KIF17: variants seen among roughly 807,000 people sequenced by gnomAD.
KIF17 encodes kinesin-like protein KIF17.
In KIF17, 80 loss-of-function variants were observed where a neutral mutation model predicts 96.8. The ratio of observed to expected loss-of-function variants is 0.83; its 90% CI spans 0.69 to 1.00. KIF17 has a LOEUF of 1.00. Ranked by LOEUF, KIF17 falls within the 50% of genes least tolerant of loss-of-function variation. The probability of loss-of-function intolerance (pLI) is 0.00; values close to 1 mark genes in which losing one functional copy is unlikely to be tolerated. For synonymous variants in KIF17, 567 were observed against 587.5 expected (o/e 0.97, Z 0.51); for missense variants, 1,280 against 1,372.9 (o/e 0.93, Z 1.07).
At chr1:20,678,483 TC>T (rs1557586209) in intron 11 of KIF17, among the ~76,000 whole-genome samples, 4 of 151,960 alleles carry the variant, frequency 2.6e-5, no homozygotes, top group African/African-American at 4.8e-5. Context: ...TAAGCCTGAA[TC>T]TCTCCAACAA....
At chr1:20,684,369 T>A (rs1328442093) in intron 10 of KIF17, among the ~76,000 whole-genome samples, 1 of 152,134 alleles carries the variant, frequency 6.6e-6, no homozygotes, top group Non-Finnish European at 1.5e-5. Flanking sequence ...TTAACGGAAG[T>A]GAGAACCGAG....
intron 4 of KIF17, among the ~76,000 whole-genome samples, chr1:20,706,841 ATCATGCCACCGCAT>A (rs2054350891): frequency 6.6e-6 from 1 of 151,890 alleles, no homozygotes; most frequent in African/African-American, 2.4e-5. Context: ...GTGAGCTGTG[ATCATGCCACCGCAT>A]TCTAGCCTGG....
chr1:20,704,047 G>A lies in KIF17; in HGVS notation c.1123+400C>T, dbSNP rs751461059. Among the ~76,000 whole-genome samples, 13 of 152,274 alleles carry A rather than the reference G, an allele frequency of 8.5e-5. No individual in the cohort carries two copies. The highest frequency in any genetic ancestry group is 1.3e-4 in the Non-Finnish European group (9 of 68,016). On this transcript the variant is annotated intron_variant, in intron 5 of 14. Coordinates refer to ENST00000400463, the MANE Select transcript of KIF17 (RefSeq NM_001122819.3). This position sits in a 1 kb window ranked among gnomAD's most constrained non-coding sequence, Gnocchi z 6.8. ...AGGGCGCAAAAGCTGCAGTAACAAG[G>A]TGCCTGCGAGGAGCAGGTGTGGCCG...
rs767726397 is a variant in KIF17, at chr1:20,666,179, T to C, written c.2908+35A>G. On this transcript the variant is annotated intron_variant, in intron 14 of 14. Transcript: ENST00000400463. ...ATCCCCTTCACGCCTCTCCCAGTTG[T>C]GTGGAGAGGGTGGGGACAGGGGAGG... The C allele has an allele frequency of 2.5e-5, 36 of 1,436,426 alleles. No individual in the cohort carries two copies. In the South Asian group the frequency reaches 4.0e-4, roughly 16 times the overall value. 89.0% of individuals were successfully genotyped at this position (1,436,426 alleles called of 1,614,324 possible). A position where few individuals can be genotyped will look rare whatever the true frequency, so the allele number is the denominator to read the frequency against.
At chr1:20,715,764 G>C in intron 1 of KIF17, 125 bp from the exon 2 acceptor site, 1 of 1,144,756 alleles carries the variant, frequency 8.7e-7, no homozygotes, top group South Asian at 1.3e-5. Context: ...GCACTGGACT[G>C]TGGAGATAAA....
chr1:20,708,442 T>C (rs574718863), intron 4 of KIF17, among the ~76,000 whole-genome samples: 2 of 152,276 alleles, frequency 1.3e-5, no homozygotes, highest in African/African-American at 4.8e-5. Context: ...TACAGGCATG[T>C]ACCATCACAC....
chr1:20,714,796 C>CAAAAAAA lies in KIF17; in HGVS notation c.378+690_378+696dup, dbSNP rs34182653. Among the ~76,000 whole-genome samples the CAAAAAAA allele has an allele frequency of 2.8e-3, 296 of 107,618 alleles. 5 individuals are homozygous for CAAAAAAA. Among genetic ancestry groups the CAAAAAAA allele is most frequent in the African/African-American group, 0.011 (281 of 26,086 alleles). The allele number at this position is 107,618 out of a possible 152,430, so 70.6% of individuals were successfully genotyped here. A position where few individuals can be genotyped will look rare whatever the true frequency, so the allele number is the denominator to read the frequency against. On this transcript the variant is annotated intron_variant, in intron 2 of 14. Transcript: ENST00000400463. ...TGGGTGACAGAGCAAGACTCCGTCT[C>CAAAAAAA]AAAAAAAAAAAAAAAAAAACACCTG...
chr1:20,677,442 G>A (rs2053757294), intron 11 of KIF17, among the ~76,000 whole-genome samples: 1 of 152,152 alleles, frequency 6.6e-6, no homozygotes, highest in Non-Finnish European at 1.5e-5. Flanking sequence ...TGCACAGGCT[G>A]TTTACTACAG....
intron 4 of KIF17, among the ~76,000 whole-genome samples, chr1:20,705,155 G>C (rs1466758775): frequency 2.0e-5 from 3 of 152,232 alleles, no homozygotes; most frequent in African/African-American, 7.2e-5. Flanking sequence ...AGGGCAGGCT[G>C]TCTCCAGGAG....
intron 10 of KIF17, 97 bp downstream of exon 10, chr1:20,684,712 G>A: frequency 1.6e-6 from 2 of 1,241,892 alleles, no homozygotes; most frequent in African/African-American, 1.5e-5. Flanking sequence ...AGAAGGGAGA[G>A]CTGGGAGGAA....
At position 20,664,360 on chromosome 1, in the gene KIF17, C is replaced by G; in HGVS notation, c.*224G>C. Reference sequence around the variant, plus strand: ...ACTGATGTGGTATGAACAGCTGGAGCAGGCCTCTCTAAGGAGGACTATACA... The same window carrying G: ...ACTGATGTGGTATGAACAGCTGGAGGAGGCCTCTCTAAGGAGGACTATACA... On this transcript the variant is annotated 3_prime_UTR_variant, in exon 15 of 15. Transcript: ENST00000400463. 3 of 1,434,708 alleles carry G rather than the reference C, an allele frequency of 2.1e-6. No homozygotes were observed. The highest frequency in any genetic ancestry group is 2.7e-6 in the Non-Finnish European group (3 of 1,098,454). The allele number at this position is 1,434,708 out of a possible 1,614,324, so 88.9% of individuals were successfully genotyped here.
At chr1:20,688,911 T>A (rs2053987481) in intron 7 of KIF17, among the ~76,000 whole-genome samples, 1 of 152,218 alleles carries the variant, frequency 6.6e-6, no homozygotes, top group Non-Finnish European at 1.5e-5. Context: ...CAGGGCTGCA[T>A]TCACATGGGC....
Position 20,664,675 on chromosome 1 carries a change from G to T in KIF17, c.2996C>A (p.Pro999His). The T allele has an allele frequency of 6.2e-7, 1 of 1,613,586 alleles. No individual in the cohort carries two copies. Among genetic ancestry groups the T allele is most frequent in the Non-Finnish European group, 8.5e-7 (1 of 1,179,920 alleles). Residue 999 changes from proline to histidine, a missense_variant, in exon 15 of 15, where the codon CCC (proline) becomes CAC (histidine). Coordinates refer to ENST00000400463, the MANE Select transcript of KIF17 (RefSeq NM_001122819.3). ...GAGGGACTCGAGGCGGAAGGGCCGG[G>T]GCTGGGGCATTTCAGGGGCCTGGGT... ...PPTQAPEMPQ[P>H]RPFRLESLDI...
intron 6 of KIF17, among the ~76,000 whole-genome samples, chr1:20,696,280 C>A: frequency 6.6e-6 from 1 of 151,760 alleles, no homozygotes; most frequent in East Asian, 1.9e-4. Flanking sequence ...AACACGGTCC[C>A]AGGAGCATAG....
In KIF17 at chr1:20,685,379, G is replaced by A. The variant is rs763131201; in HGVS notation, c.2020-359C>T. ...AGGAAAGTCCACTTTCCTCCCTGCC[G>A]GCTCCCTGCCTCCACGGCCTCCCCC... On this transcript the variant is annotated intron_variant, in intron 9 of 14. Coordinates refer to ENST00000400463, the MANE Select transcript of KIF17 (RefSeq NM_001122819.3). The surrounding 1 kb of genome is among the most constrained non-coding windows in gnomAD (Gnocchi z 4.1). The A allele has an allele frequency of 2.1e-4, 90 of 433,184 alleles. No individual in the cohort carries two copies. Among genetic ancestry groups the A allele is most frequent in the Non-Finnish European group, 3.9e-4 (88 of 224,312 alleles). 26.8% of individuals were successfully genotyped at this position (433,184 alleles called of 1,614,324 possible).
At chr1:20,688,469 T>C (rs1343383281) in intron 7 of KIF17, among the ~76,000 whole-genome samples, 1 of 152,202 alleles carries the variant, frequency 6.6e-6, no homozygotes, top group Admixed American at 6.5e-5. Flanking sequence ...CCCTACCACC[T>C]TCCACCTCTT....
At chr1:20,686,600 G>A (rs1276892997) in intron 8 of KIF17, among the ~76,000 whole-genome samples, 1 of 152,142 alleles carries the variant, frequency 6.6e-6, no homozygotes, top group Non-Finnish European at 1.5e-5. Context: ...CTGTCGCCCA[G>A]GCTGGAGCAC....
intron 5 of KIF17, among the ~76,000 whole-genome samples, chr1:20,701,468 T>G (rs1185744874): frequency 4.0e-5 from 6 of 151,766 alleles, no homozygotes; most frequent in Non-Finnish European, 8.8e-5. Flanking sequence ...ATGGCCAGGC[T>G]GCAGGGTGCA....
chr1:20,713,633 G>A (rs1213149249), intron 2 of KIF17, 78 bp from the exon 3 acceptor site: 2 of 1,061,270 alleles, frequency 1.9e-6, no homozygotes, highest in Non-Finnish European at 2.8e-6. Context: ...CTGGGGCCTG[G>A]GCCCTCTGCC....
Sources: allele counts gnomAD v4.1 joint callset (sites outside exome capture counted in the v4.1 genomes callset), GRCh38; gene constraint gnomAD v4.1.1; non-coding constraint Gnocchi (gnomAD v3.1); transcripts MANE v1.5; gene names NCBI Gene and HGNC (gene_info 2026-07-23, HGNC 2026-07-21).